The following NREP variants were observed in gnomAD, a reference collection of about 807,000 sequenced individuals.
NREP encodes the protein neuronal regeneration-related protein.
In NREP, 5 loss-of-function variants were observed where a neutral mutation model predicts 8.6. That is an observed-to-expected ratio of 0.58 (90% CI 0.30 to 1.22). The LOEUF is 1.22. Among genes scored for constraint, NREP ranks in the 50% most tolerant of loss-of-function variants. The pLI, the probability that NREP is intolerant of heterozygous loss-of-function variation, is 0.07. For missense variants in NREP, 86 were observed against 82.5 expected (o/e 1.04, Z -0.17); for synonymous variants, 27 against 28.0 (o/e 0.96, Z 0.11).
At chr5:111,817,846 A>G (rs1280192720) in intron 2 of NREP, among the ~76,000 whole-genome samples, 1 of 151,258 alleles carries the variant, frequency 6.6e-6, no homozygotes, top group Non-Finnish European at 1.5e-5. Context: ...ACACTGATAT[A>G]TGTGTATGTA....
At chr5:111,734,985 G>T (rs919372171) in intron 3 of NREP, 13 of 389,146 alleles carry the variant, frequency 3.3e-5, no homozygotes, top group Non-Finnish European at 4.5e-5. Context: ...TGGTTTTTAG[G>T]CTCAAAAATT....
chr5:111,827,528 T>C (rs79898330), intron 2 of NREP, among the ~76,000 whole-genome samples: 14,785 of 152,206 alleles, frequency 0.097, 2,042 homozygotes, highest in African/African-American at 0.3. Context: ...AAAATGGTTA[T>C]GCCAGTTGCC....
intron 2 of NREP, among the ~76,000 whole-genome samples, chr5:111,943,819 T>C (rs1755899281): frequency 6.6e-6 from 1 of 152,162 alleles, no homozygotes; most frequent in African/African-American, 2.4e-5. Flanking sequence ...TTTTTCCGAT[T>C]AGCTCTTTAT....
intron 3 of NREP, chr5:111,732,244 A>T (rs1748657988): frequency 6.6e-6 from 1 of 152,162 alleles, no homozygotes; most frequent in Non-Finnish European, 1.5e-5. Context: ...GAAACCAGTA[A>T]CTTCCAAACA....
In NREP at chr5:111,751,595, A is replaced by G. The variant is rs114174074; in HGVS notation, c.3+4175T>C. Among the ~76,000 whole-genome samples the G allele has an allele frequency of 7.9e-3, 1,204 of 152,330 alleles. 13 individuals are homozygous for G. Among genetic ancestry groups the G allele is most frequent in the African/African-American group, 0.027 (1,130 of 41,578 alleles). On this transcript the variant is annotated intron_variant, in intron 2 of 3. Coordinates refer to ENST00000257435, the MANE Select transcript of NREP (RefSeq NM_004772.4). ...CTTTAAAATTGATATATTGTAATAT[A>G]TCTTTACCAACCAAGATGACATAAT...
At chr5:111,834,099 T>C (rs376691531) in intron 2 of NREP, among the ~76,000 whole-genome samples, 3 of 152,150 alleles carry the variant, frequency 2.0e-5, no homozygotes, top group East Asian at 1.9e-4. Flanking sequence ...CTGTGGGAAC[T>C]GGAGTAGAAA....
At chr5:111,826,254 A>T (rs755979170) in intron 2 of NREP, among the ~76,000 whole-genome samples, 9 of 152,190 alleles carry the variant, frequency 5.9e-5, no homozygotes, top group Non-Finnish European at 1.0e-4. Context: ...AAAATGGACC[A>T]ATCAGCTCTC....
At chr5:111,915,125 G>T (rs1755020495) in intron 2 of NREP, among the ~76,000 whole-genome samples, 1 of 152,006 alleles carries the variant, frequency 6.6e-6, no homozygotes, top group South Asian at 2.1e-4. Context: ...TTATTTCTAA[G>T]ACTTCCCTCA....
intron 2 of NREP, among the ~76,000 whole-genome samples, chr5:111,929,921 G>T (rs1350521040): frequency 6.6e-6 from 1 of 152,166 alleles, no homozygotes; most frequent in Non-Finnish European, 1.5e-5. Flanking sequence ...TCAAGGAGCA[G>T]ATTATTCCTT....
At chr5:111,784,710 G>A (rs930168286) in intron 2 of NREP, among the ~76,000 whole-genome samples, 1 of 152,160 alleles carries the variant, frequency 6.6e-6, no homozygotes, top group East Asian at 1.9e-4. Flanking sequence ...TGAACAGAAT[G>A]TAAGGCATTT....
intron 2 of NREP, among the ~76,000 whole-genome samples, chr5:111,796,465 A>C (rs1470899310): frequency 6.6e-6 from 1 of 152,208 alleles, no homozygotes; most frequent in East Asian, 1.9e-4. Flanking sequence ...TATCACAACC[A>C]CTATATTAAT....
At chr5:111,736,720 C>A (rs1749156848) in intron 2 of NREP, among the ~76,000 whole-genome samples, 1 of 152,216 alleles carries the variant, frequency 6.6e-6, no homozygotes. Flanking sequence ...ATTTGTAGCA[C>A]ATCCTAGCTT....
At chr5:111,808,044 C>T (rs1442597747) in intron 2 of NREP, among the ~76,000 whole-genome samples, 1 of 152,196 alleles carries the variant, frequency 6.6e-6, no homozygotes, top group Non-Finnish European at 1.5e-5. Flanking sequence ...TACAATCTCT[C>T]AATAGTTCTG....
At chr5:111,938,149 C>A (rs1419530994) in intron 2 of NREP, among the ~76,000 whole-genome samples, 1 of 152,050 alleles carries the variant, frequency 6.6e-6, no homozygotes, top group Non-Finnish European at 1.5e-5. Context: ...TAGTAACACA[C>A]TCTTCCTGGC....
chr5:111,889,607 C>T (rs1754345487), intron 2 of NREP, among the ~76,000 whole-genome samples: 1 of 152,202 alleles, frequency 6.6e-6, no homozygotes, highest in African/African-American at 2.4e-5. Context: ...TCCCAAGTCT[C>T]ATTTGGAGAT....
chr5:111,919,063 T>C (rs1276361896), intron 2 of NREP, among the ~76,000 whole-genome samples: 2 of 151,742 alleles, frequency 1.3e-5, no homozygotes, highest in Non-Finnish European at 2.9e-5. Context: ...CATCAAAAAG[T>C]GGGTGAAGGA....
intron 2 of NREP, among the ~76,000 whole-genome samples, chr5:111,891,943 T>C (rs1443619957): frequency 1.3e-5 from 2 of 152,074 alleles, no homozygotes; most frequent in Admixed American, 1.3e-4. Flanking sequence ...ATATCCAAAC[T>C]ATATCAGTCA....
At chr5:111,819,143 C>G (rs1752459595) in intron 2 of NREP, among the ~76,000 whole-genome samples, 1 of 152,168 alleles carries the variant, frequency 6.6e-6, no homozygotes, top group Admixed American at 6.5e-5. Flanking sequence ...CCCACCAGTT[C>G]TAATCAGTAG....
intron 2 of NREP, among the ~76,000 whole-genome samples, chr5:111,864,027 A>G (rs1753610264): frequency 6.6e-6 from 1 of 152,194 alleles, no homozygotes; most frequent in African/African-American, 2.4e-5. Flanking sequence ...ATTCAAGAGA[A>G]TGAGTCATAG....
Sources: gnomAD v4.1 joint callset for allele counts (sites outside exome capture counted in the v4.1 genomes callset) on GRCh38, gnomAD v4.1.1 for gene constraint, MANE v1.5 for transcripts, NCBI Gene and HGNC (gene_info 2026-07-23, HGNC 2026-07-21) for gene names.